NLGN4X: variants seen among roughly 807,000 people sequenced by gnomAD.
NLGN4X encodes the protein neuroligin 4 X-linked, also known as neuroligin-4, X-linked.
Under a neutral mutation model 40.3 loss-of-function variants are expected in NLGN4X, and 3 were observed. That is an observed-to-expected ratio of 0.07 (90% CI 0.03 to 0.19). The LOEUF (loss-of-function observed/expected upper bound fraction) is 0.19, where lower values mean the gene tolerates loss of function less well. Ranked by LOEUF, NLGN4X falls within the 10% of genes least tolerant of loss-of-function variation. NLGN4X has a pLI of 1.00. For missense variants in NLGN4X, 382 were observed against 708.3 expected, an observed-to-expected ratio of 0.54 and a Z score of 5.23; for synonymous variants, 270 against 306.8, an observed-to-expected ratio of 0.88 and a Z score of 1.25.
chrX:6,188,600 ACTACT>A (rs1375884886), intron 1 of NLGN4X, among the ~76,000 whole-genome samples: 1 of 110,880 alleles, frequency 9.0e-6, no homozygotes, highest in Non-Finnish European at 1.9e-5. Flanking sequence ...GATTTGCATA[ACTACT>A]CTATGTCCTT....
intron 1 of NLGN4X, among the ~76,000 whole-genome samples, chrX:6,197,420 CTCAGCTATTTTTTTTTTT>C (rs957875619): frequency 1.1e-5 from 1 of 88,461 alleles, no homozygotes; most frequent in Non-Finnish European, 2.6e-5. Context: ...CACCACCATG[CTCAGCTATTTTTTTTTTT>C]TTTTGTATTT....
intron 5 of NLGN4X, among the ~76,000 whole-genome samples, chrX:5,893,892 C>T: frequency 8.9e-6 from 1 of 111,756 alleles, no homozygotes; most frequent in Middle Eastern, 4.6e-3. Context: ...AAATATAAAT[C>T]CTGATAGCAG....
At chrX:6,183,064 C>T (rs115649355) in intron 1 of NLGN4X, among the ~76,000 whole-genome samples, 1,407 of 111,700 alleles carry the variant, frequency 0.013, 29 homozygotes, top group African/African-American at 0.043. Flanking sequence ...TAGATGTGAA[C>T]GACTGCATTT....
intron 2 of NLGN4X, among the ~76,000 whole-genome samples, chrX:6,033,206 T>C (rs1260066201): frequency 3.3e-5 from 3 of 91,539 alleles, no homozygotes; most frequent in South Asian, 5.7e-4. Context: ...TGACACATTA[T>C]GGTTAGAAAT....
intron 5 of NLGN4X, among the ~76,000 whole-genome samples, chrX:5,895,175 C>T (rs1470350017): frequency 8.9e-6 from 1 of 112,411 alleles, no homozygotes; most frequent in Non-Finnish European, 1.9e-5. Context: ...TAAAATAAAT[C>T]ATTTCCCTGT....
chrX:6,139,123 G>A (rs1189221032), intron 2 of NLGN4X, among the ~76,000 whole-genome samples: 1 of 111,516 alleles, frequency 9.0e-6, no homozygotes, highest in Non-Finnish European at 1.9e-5. Flanking sequence ...CTAGTTATCT[G>A]GATTAGTACA....
intron 3 of NLGN4X, among the ~76,000 whole-genome samples, chrX:5,978,293 TTTCTTTCTTTCTTTCTTTCTTTC>T (rs2035256432): frequency 4.8e-5 from 2 of 41,477 alleles, no homozygotes; most frequent in Non-Finnish European, 4.1e-5. Flanking sequence ...TCTTTCTTTC[TTTCTTTCTTTCTTTCTTTCTTTC>T]TTTCTTTCTT....
At chrX:6,060,980 C>T (rs753647346) in intron 2 of NLGN4X, among the ~76,000 whole-genome samples, 1 of 111,678 alleles carries the variant, frequency 9.0e-6, no homozygotes, top group Admixed American at 9.6e-5. Flanking sequence ...GTCCCTAACT[C>T]GAAAGAATTT....
At chrX:6,174,504 C>A (rs1174073867) in intron 1 of NLGN4X, among the ~76,000 whole-genome samples, 1 of 111,872 alleles carries the variant, frequency 8.9e-6, no homozygotes, top group Non-Finnish European at 1.9e-5. Flanking sequence ...TAGTACTATT[C>A]ACAATAGCAA....
At position 6,041,649 on chromosome X, in the gene NLGN4X, T is replaced by C. The variant is rs140440879; in HGVS notation, c.473-12217A>G. On this transcript the variant is annotated intron_variant, in intron 2 of 5. Transcript: ENST00000381095. Reference sequence around the variant, plus strand: ...ATGAATTGTAATGTGTAATATGATATCTTGTTAAATAAGGTCTCCCTGTTA... The same window carrying C: ...ATGAATTGTAATGTGTAATATGATACCTTGTTAAATAAGGTCTCCCTGTTA... 2.7e-4 allele frequency among the ~76,000 whole-genome samples: 30 copies of C among 112,795 alleles called. 1 individual carries two copies. In the East Asian group the frequency reaches 7.8e-3, roughly 29 times the overall value.
At chrX:6,106,064 C>A (rs1195816218) in intron 2 of NLGN4X, among the ~76,000 whole-genome samples, 1 of 111,470 alleles carries the variant, frequency 9.0e-6, no homozygotes, top group African/African-American at 3.3e-5. Flanking sequence ...ATGCAGCACC[C>A]TCAGAGGAAT....
intron 2 of NLGN4X, among the ~76,000 whole-genome samples, chrX:6,061,155 A>G (rs2037758689): frequency 1.8e-5 from 2 of 111,815 alleles, no homozygotes; most frequent in South Asian, 7.5e-4. Context: ...AATTAGTAAT[A>G]ATAAGAATAA....
intron 2 of NLGN4X, among the ~76,000 whole-genome samples, chrX:6,053,898 T>C (rs1344190119): frequency 8.9e-6 from 1 of 112,531 alleles, no homozygotes; most frequent in Non-Finnish European, 1.9e-5. Flanking sequence ...ACATATGTTA[T>C]ACATTTCACT....
intron 1 of NLGN4X, among the ~76,000 whole-genome samples, chrX:6,169,060 T>C (rs933502753): frequency 6.3e-5 from 7 of 111,707 alleles, no homozygotes; most frequent in African/African-American, 2.0e-4. Flanking sequence ...CTTGTGGAAA[T>C]AGGCTGCTAT....
intron 1 of NLGN4X, among the ~76,000 whole-genome samples, chrX:6,204,991 A>T (rs1003089708): frequency 7.2e-5 from 8 of 111,499 alleles, no homozygotes; most frequent in Admixed American, 9.6e-5. Context: ...ATTACAACAC[A>T]TCGCTGAGGG....
At chrX:6,086,450 A>G (rs1215861034) in intron 2 of NLGN4X, among the ~76,000 whole-genome samples, 1 of 112,006 alleles carries the variant, frequency 8.9e-6, no homozygotes, top group Non-Finnish European at 1.9e-5. Flanking sequence ...TCCCTTGAGT[A>G]GATTTCCCTG....
chrX:5,890,573 T>C lies in NLGN4X; in HGVS notation c.*2244A>G, dbSNP rs2031106845. ...TGGATGCCACACATAACTTCCTTTG[T>C]AGTTTCACAGAGAGCCTATTTGTGG... On this transcript the variant is annotated 3_prime_UTR_variant, in exon 6 of 6. Transcript: ENST00000381095. 3.1e-6 allele frequency: 1 copy of C among 327,431 alleles called. No homozygotes were observed. The highest frequency in any genetic ancestry group is 5.9e-6 in the Non-Finnish European group (1 of 169,398). 27.0% of individuals were successfully genotyped at this position (327,431 alleles called of 1,213,427 possible).
At chrX:6,133,529 G>A (rs916345124) in intron 2 of NLGN4X, among the ~76,000 whole-genome samples, 12 of 111,849 alleles carry the variant, frequency 1.1e-4, no homozygotes, top group Non-Finnish European at 1.9e-4. Context: ...TGACAGAAAG[G>A]AGTATCTGTT....
chrX:6,008,934 A>C (rs185212057), intron 3 of NLGN4X, among the ~76,000 whole-genome samples: 11 of 112,254 alleles, frequency 9.8e-5, no homozygotes, highest in African/African-American at 3.6e-4. Context: ...TGGTAAAATC[A>C]TACAGCTTTT....
Sources: allele counts gnomAD v4.1 joint callset (sites outside exome capture counted in the v4.1 genomes callset), GRCh38; gene constraint gnomAD v4.1.1; transcripts MANE v1.5; gene names NCBI Gene and HGNC (gene_info 2026-07-23, HGNC 2026-07-21).